Variants in BRINP1 observed in about 807,000 individuals in gnomAD.
BRINP1 encodes BMP/retinoic acid inducible neural specific 1.
In BRINP1, 17 loss-of-function variants were observed where a neutral mutation model predicts 72.9. That is an observed-to-expected ratio of 0.23 (90% CI 0.16 to 0.35). BRINP1 has a LOEUF of 0.35. Ranked by LOEUF, BRINP1 falls within the 10% of genes least tolerant of loss-of-function variation. The pLI, the probability that BRINP1 is intolerant of heterozygous loss-of-function variation, is 1.00. For missense variants in BRINP1, 850 were observed against 1,001.6 expected, an observed-to-expected ratio of 0.85 and a Z score of 2.04; for synonymous variants, 418 against 378.5, an observed-to-expected ratio of 1.10 and a Z score of -1.21.
chr9:119,211,918 T>C (rs1829933320), intron 6 of BRINP1, among the ~76,000 whole-genome samples: 1 of 152,118 alleles, frequency 6.6e-6, no homozygotes, highest in South Asian at 2.1e-4. Flanking sequence ...CTTAAAGTGG[T>C]TTCTTTTCCT....
intron 7 of BRINP1, among the ~76,000 whole-genome samples, chr9:119,184,498 T>C (rs745594544): frequency 6.6e-6 from 1 of 152,208 alleles, no homozygotes; most frequent in Non-Finnish European, 1.5e-5. Context: ...ATTGTGGGCT[T>C]GTGCCTCTTA....
At chr9:119,353,279 C>T (rs961550209) in intron 1 of BRINP1, among the ~76,000 whole-genome samples, 1 of 152,122 alleles carries the variant, frequency 6.6e-6, no homozygotes, top group African/African-American at 2.4e-5. Context: ...TTTTTCATTG[C>T]CTCCTTCTAA....
chr9:119,180,700 T>C (rs926775326), intron 7 of BRINP1, among the ~76,000 whole-genome samples: 2 of 152,186 alleles, frequency 1.3e-5, no homozygotes, highest in Admixed American at 1.3e-4. Flanking sequence ...ATTACCCTCT[T>C]TGAGTTTCTA....
intron 2 of BRINP1, among the ~76,000 whole-genome samples, chr9:119,304,844 G>T (rs1297373325): frequency 1.3e-5 from 2 of 152,160 alleles, no homozygotes; most frequent in African/African-American, 4.8e-5. Flanking sequence ...TTAAATTACT[G>T]CCACAGTTTT....
At chr9:119,306,650 G>A (rs1431457439) in intron 2 of BRINP1, among the ~76,000 whole-genome samples, 1 of 152,204 alleles carries the variant, frequency 6.6e-6, no homozygotes, top group Non-Finnish European at 1.5e-5. Flanking sequence ...AACAATGGAG[G>A]CTGAATATCT....
intron 1 of BRINP1, among the ~76,000 whole-genome samples, chr9:119,320,416 T>C (rs1271611610): frequency 3.3e-5 from 5 of 152,180 alleles, no homozygotes; most frequent in Admixed American, 6.5e-5. Flanking sequence ...GGTACTCTTC[T>C]AGAAGATAGA....
chr9:119,248,860 G>A, intron 3 of BRINP1, 100 bp downstream of exon 3: 1 of 1,038,672 alleles, frequency 9.6e-7, no homozygotes. Context: ...TAGAATGGCA[G>A]AGAAGCTAAG....
At chr9:119,223,951 G>C (rs1302688625) in intron 5 of BRINP1, among the ~76,000 whole-genome samples, 24 of 152,074 alleles carry the variant, frequency 1.6e-4, no homozygotes, top group Admixed American at 1.6e-3. Context: ...TATAGATTAT[G>C]ATTCTTGAGG....
intron 3 of BRINP1, among the ~76,000 whole-genome samples, chr9:119,245,330 T>C (rs910681474): frequency 6.6e-6 from 1 of 152,208 alleles, no homozygotes; most frequent in Admixed American, 6.5e-5. Context: ...TTTGTGAACA[T>C]CTGTCTATAC....
intron 1 of BRINP1, among the ~76,000 whole-genome samples, chr9:119,330,189 C>A (rs2119011272): frequency 6.6e-6 from 1 of 152,250 alleles, no homozygotes; most frequent in South Asian, 2.1e-4. Context: ...CTTTCTCTGC[C>A]TTTTGCTAAA....
intron 2 of BRINP1, among the ~76,000 whole-genome samples, chr9:119,249,384 C>T (rs1282476938): frequency 1.3e-5 from 2 of 152,244 alleles, no homozygotes; most frequent in East Asian, 3.9e-4. Flanking sequence ...TCATTGTCCT[C>T]AAGTTGTTTA....
chr9:119,295,854 G>A (rs1830871744), intron 2 of BRINP1, among the ~76,000 whole-genome samples: 1 of 152,142 alleles, frequency 6.6e-6, no homozygotes, highest in Non-Finnish European at 1.5e-5. Flanking sequence ...GGAGGAAATT[G>A]CACCTTTATC....
At chr9:119,299,658 C>T (rs974329522) in intron 2 of BRINP1, among the ~76,000 whole-genome samples, 4 of 150,900 alleles carry the variant, frequency 2.7e-5, no homozygotes, top group Admixed American at 6.6e-5. Context: ...ATATGTCTTT[C>T]GGTGCCTGGT....
chr9:119,221,647 A>G (rs1382476272), intron 5 of BRINP1, among the ~76,000 whole-genome samples: 1 of 152,154 alleles, frequency 6.6e-6, no homozygotes, highest in Admixed American at 6.5e-5. Context: ...CTTCCTTGAT[A>G]TAAGAATTCG....
intron 7 of BRINP1, among the ~76,000 whole-genome samples, chr9:119,194,943 T>A (rs976439380): frequency 6.6e-6 from 1 of 152,208 alleles, no homozygotes; most frequent in African/African-American, 2.4e-5. Flanking sequence ...TGCTACATAA[T>A]AAAAATTAAC....
intron 2 of BRINP1, among the ~76,000 whole-genome samples, chr9:119,251,665 G>A (rs77861634): frequency 0.091 from 6,459 of 70,618 alleles, 469 homozygotes; most frequent in African/African-American, 0.22. Flanking sequence ...CAGGGATACA[G>A]AAAACATTGA....
intron 5 of BRINP1, among the ~76,000 whole-genome samples, chr9:119,229,462 T>C (rs1021353167): frequency 2.0e-5 from 3 of 152,118 alleles, no homozygotes; most frequent in Admixed American, 2.0e-4. Context: ...GAACTAGTAC[T>C]GGAACTAAGG....
chr9:119,352,324 T>A (rs1056825201), intron 1 of BRINP1, among the ~76,000 whole-genome samples: 1 of 152,228 alleles, frequency 6.6e-6, no homozygotes, highest in Non-Finnish European at 1.5e-5. Context: ...GTGCTACATA[T>A]GTATTTTTTT....
intron 6 of BRINP1, among the ~76,000 whole-genome samples, chr9:119,209,677 A>C (rs1279157916): frequency 6.6e-6 from 1 of 152,224 alleles, no homozygotes; most frequent in Non-Finnish European, 1.5e-5. Flanking sequence ...TGTTGAAGAT[A>C]ATGTTAATAA....
Sources: gnomAD v4.1 joint callset for allele counts (sites outside exome capture counted in the v4.1 genomes callset) on GRCh38, gnomAD v4.1.1 for gene constraint, MANE v1.5 for transcripts, NCBI Gene and HGNC (gene_info 2026-07-23, HGNC 2026-07-21) for gene names.